PDCD11: variants seen among roughly 807,000 people sequenced by gnomAD.
PDCD11 encodes programmed cell death 11.
In PDCD11, 97 loss-of-function variants were observed where a neutral mutation model predicts 198.9. The ratio of observed to expected loss-of-function variants is 0.49; its 90% CI spans 0.41 to 0.58. PDCD11 has a LOEUF of 0.58. Ranked by LOEUF, PDCD11 falls within the 20% of genes least tolerant of loss-of-function variation. PDCD11 has a pLI of 0.00. For synonymous variants in PDCD11, 893 were observed against 918.0 expected (o/e 0.97, Z 0.49); for missense variants, 2,102 against 2,312.7 (o/e 0.91, Z 1.87).
intron 32 of PDCD11, among the ~76,000 whole-genome samples, chr10:103,442,815 T>C (rs1305767074): frequency 6.6e-6 from 1 of 152,144 alleles, no homozygotes; most frequent in African/African-American, 2.4e-5. Flanking sequence ...TGAGGCCTAA[T>C]GAAGAGGGAA....
chr10:103,419,444 C>G lies in PDCD11; in HGVS notation c.2107-94C>G, dbSNP rs1254466356. 8.9e-6 allele frequency: 12 copies of G among 1,346,646 alleles called. No individual in the cohort carries two copies. The African/African-American group carries it at 1.2e-4, about 13-fold the overall frequency. The allele number at this position is 1,346,646 out of a possible 1,614,324, so 83.4% of individuals were successfully genotyped here. ...AATCGCTGTAGCAGCAGAGATCAGCCTGCAGTTCTGTCCTTCTCTGTGGAG... is the reference window on the plus strand; with the variant it reads ...AATCGCTGTAGCAGCAGAGATCAGCGTGCAGTTCTGTCCTTCTCTGTGGAG... On this transcript the variant is annotated intron_variant, in intron 15 of 35. Coordinates refer to ENST00000369797, the MANE Select transcript of PDCD11 (RefSeq NM_014976.2).
In PDCD11 at chr10:103,444,690, G is replaced by T; in HGVS notation, c.5444+8G>T. ...CAGCCAGAAGGACGTCCGGTGAGTG[G>T]GGCAGCTGGCCAAGGCCGAGTTCCT... On this transcript the variant is annotated splice_region_variant and intron_variant, in intron 35 of 35. Coordinates refer to ENST00000369797, the MANE Select transcript of PDCD11 (RefSeq NM_014976.2). 1 of 1,613,066 alleles carries T rather than the reference G, an allele frequency of 6.2e-7. No individual in the cohort carries two copies.
At position 103,445,518 on chromosome 10, in the gene PDCD11, T is replaced by G; in HGVS notation, c.5585T>G (p.Val1862Gly). 6.2e-7 allele frequency: 1 copy of G among 1,613,916 alleles called. No homozygotes were observed. Among genetic ancestry groups the G allele is most frequent in the Non-Finnish European group, 8.5e-7 (1 of 1,180,028 alleles). ...GTCAAGGCCAAGGCCCTGGAGTATGTGGAGGCCAAGAGCTCAGTGCTAGAG... is the reference window on the plus strand; with the variant it reads ...GTCAAGGCCAAGGCCCTGGAGTATGGGGAGGCCAAGAGCTCAGTGCTAGAG... ...QAVKAKALEY[V>G]EAKSSVLED The change falls in exon 36 of 36, where the codon GTG becomes GGG. Residue 1862 changes from valine (V) to glycine (G), a missense_variant. Val to Gly is a moderately radical substitution (Grantham distance 109). Transcript: ENST00000369797.
Position 103,400,472 on chromosome 10 carries a change from G to A in PDCD11, c.178G>A (p.Glu60Lys). The change falls in exon 3 of 36, where the codon GAA becomes AAA. Residue 60 changes from glutamate (E) to lysine (K), a missense_variant. Glu to Lys is a moderately conservative substitution (Grantham distance 56, BLOSUM62 1). Coordinates refer to ENST00000369797, the MANE Select transcript of PDCD11 (RefSeq NM_014976.2). ...GPAKTKKLKI[E>K]KRESSKSARE... ...AGCAAAAACAAAAAAGTTGAAAATC[G>A]AAAAGAGAGAAAGCAGCAAGTCCGC... 4 of 1,613,892 alleles carry A rather than the reference G, an allele frequency of 2.5e-6. No individual in the cohort carries two copies. Among genetic ancestry groups the A allele is most frequent in the South Asian group, 2.2e-5 (2 of 91,060 alleles).
At chr10:103,402,441 TA>T (rs1431508593) in intron 3 of PDCD11, among the ~76,000 whole-genome samples, 4 of 152,218 alleles carry the variant, frequency 2.6e-5, no homozygotes, top group Non-Finnish European at 5.9e-5. Context: ...TATTTATTTT[TA>T]TTTTTTTATT....
At position 103,445,604 on chromosome 10, in the gene PDCD11, C is replaced by G. The variant is rs768306553; in HGVS notation, c.*55C>G. On this transcript the variant is annotated 3_prime_UTR_variant, in exon 36 of 36. Transcript: ENST00000369797. ...ACAATGGGCCAGCCCGGCCCCGCCT[C>G]GAGTGCCTGGGCACTCGGAAAACTG... 1 of 1,522,646 alleles carries G rather than the reference C, an allele frequency of 6.6e-7. No homozygotes were observed. Among genetic ancestry groups the G allele is most frequent in the Admixed American group, 1.8e-5 (1 of 54,756 alleles). 94.3% of individuals were successfully genotyped at this position (1,522,646 alleles called of 1,614,324 possible).
chr10:103,439,186 T>C (rs28704714), intron 27 of PDCD11, among the ~76,000 whole-genome samples: 4 of 151,802 alleles, frequency 2.6e-5, no homozygotes, highest in African/African-American at 7.3e-5. Flanking sequence ...CAGAAAAAAA[T>C]TAAAAATTAA....
Position 103,434,289 on chromosome 10 carries a change from C to T in PDCD11, c.3606C>T (p.Ala1202=). The part of the protein sequence containing the change: ...HPDKKFRVGQ[A]LRATVVGPDS... ...ATAAGAAGTTCCGGGTTGGCCAGGCCCTGAGGGCCACCGTTGTTGGCCCAG... is the reference window on the plus strand; with the variant it reads ...ATAAGAAGTTCCGGGTTGGCCAGGCTCTGAGGGCCACCGTTGTTGGCCCAG... Residue 1202 remains alanine (A), a synonymous_variant, in exon 24 of 36, where the codon GCC becomes GCT. Coordinates refer to ENST00000369797, the MANE Select transcript of PDCD11 (RefSeq NM_014976.2). 1 of 1,614,002 alleles carries T rather than the reference C, an allele frequency of 6.2e-7. No homozygotes were observed. The highest frequency in any genetic ancestry group is 8.5e-7 in the Non-Finnish European group (1 of 1,179,834).
At chr10:103,431,552 A>C (rs755099858) in intron 21 of PDCD11, among the ~76,000 whole-genome samples, 2 of 151,762 alleles carry the variant, frequency 1.3e-5, no homozygotes, top group Non-Finnish European at 2.9e-5. Context: ...AGATTGTGCC[A>C]CTGCACTCCA....
intron 13 of PDCD11, among the ~76,000 whole-genome samples, chr10:103,417,493 A>G (rs1452340137): frequency 1.3e-5 from 2 of 152,256 alleles, no homozygotes; most frequent in Non-Finnish European, 2.9e-5. Context: ...ATTTCAATAC[A>G]TGCTTACAAT....
chr10:103,425,518 A>T lies in PDCD11; in HGVS notation c.3298A>T (p.Thr1100Ser). The stretch of plus-strand genomic sequence containing the variant: ...AGTGATTGGCGGGCGAGACATGAAG[A>T]CATTCAAGTATGGAGGCTCTGGGGG... ...ARVIGGRDMK[T>S]FKYLPISHPR... The change falls in exon 20 of 36, where the codon ACA becomes TCA. Residue 1100 changes from threonine (T) to serine (S), a missense_variant. Physicochemically the swap from Thr to Ser is moderately conservative, Grantham distance 58. Transcript: ENST00000369797. 1 of 1,605,908 alleles carries T rather than the reference A, an allele frequency of 6.2e-7. No individual in the cohort carries two copies. Among genetic ancestry groups the T allele is most frequent in the East Asian group, 2.2e-5 (1 of 44,620 alleles).
chr10:103,402,757 T>A (rs1269329378), intron 3 of PDCD11, among the ~76,000 whole-genome samples: 1 of 152,146 alleles, frequency 6.6e-6, no homozygotes, highest in Non-Finnish European at 1.5e-5. Flanking sequence ...ATCTTTATTT[T>A]TTGAGATAGG....
At chr10:103,419,796 T>A (rs2031322435) in intron 16 of PDCD11, 88 bp downstream of exon 16, 1 of 1,220,010 alleles carries the variant, frequency 8.2e-7, no homozygotes, top group Admixed American at 2.3e-5. Context: ...GGATACTTTA[T>A]TCCTTTTTTT....
chr10:103,425,647 G>T, intron 20 of PDCD11, 122 bp downstream of exon 20: 2 of 755,002 alleles, frequency 2.6e-6, no homozygotes, highest in Non-Finnish European at 4.3e-6. Flanking sequence ...GTTAACAAAA[G>T]GCATTCACCA....
chr10:103,414,208 C>T, intron 10 of PDCD11, 62 bp from the exon 11 acceptor site: 1 of 1,581,898 alleles, frequency 6.3e-7, no homozygotes, highest in Non-Finnish European at 8.7e-7. Context: ...CCTGTGGTAG[C>T]CCTGAATTTT....
intron 17 of PDCD11, among the ~76,000 whole-genome samples, chr10:103,422,023 A>G (rs1481551706): frequency 1.4e-5 from 2 of 145,166 alleles, no homozygotes; most frequent in Non-Finnish European, 3.0e-5. Flanking sequence ...CTTTTTTTTT[A>G]ATGGAAGTAT....
chr10:103,422,558 A>G (rs1396987007), intron 17 of PDCD11, among the ~76,000 whole-genome samples: 1 of 151,462 alleles, frequency 6.6e-6, no homozygotes, highest in Non-Finnish European at 1.5e-5. Context: ...TCGCCTTTTC[A>G]CCTTTCATTC....
intron 4 of PDCD11, 98 bp downstream of exon 4, chr10:103,403,383 A>G: frequency 5.4e-6 from 6 of 1,104,110 alleles, no homozygotes; most frequent in Non-Finnish European, 7.8e-6. Context: ...GGAAAGTACA[A>G]GGTCCCGTGA....
At chr10:103,440,890 C>A (rs781350370) in intron 30 of PDCD11, 40 bp downstream of exon 30, 4 of 1,420,452 alleles carry the variant, frequency 2.8e-6, no homozygotes, top group East Asian at 4.6e-5. Flanking sequence ...CTGCTCCAGG[C>A]AAGGGAAGAG....
Sources: allele counts gnomAD v4.1 joint callset (sites outside exome capture counted in the v4.1 genomes callset), GRCh38; gene constraint gnomAD v4.1.1; transcripts MANE v1.5; gene names NCBI Gene and HGNC (gene_info 2026-07-23, HGNC 2026-07-21).